PPM1E: variants seen among roughly 807,000 people sequenced by gnomAD.
PPM1E encodes protein phosphatase 1E.
PPM1E carries 20 observed loss-of-function variants against 65.9 expected under a neutral mutation model. That is an observed-to-expected ratio of 0.30 (90% CI 0.21 to 0.44). The LOEUF (loss-of-function observed/expected upper bound fraction) is 0.44. Among genes scored for constraint, PPM1E ranks in the 20% least tolerant of loss-of-function variants. The pLI, the probability that PPM1E is intolerant of heterozygous loss-of-function variation, is 1.00. For missense variants in PPM1E, 713 were observed against 953.1 expected (o/e 0.75, Z 3.32); for synonymous variants, 352 against 374.9 (o/e 0.94, Z 0.70).
intron 1 of PPM1E, among the ~76,000 whole-genome samples, chr17:58,917,099 A>G (rs988323127): frequency 3.3e-5 from 5 of 151,438 alleles, no homozygotes; most frequent in African/African-American, 1.2e-4. Context: ...AATCCCAACT[A>G]CTCGGGAGGC....
intron 6 of PPM1E, among the ~76,000 whole-genome samples, chr17:58,976,079 G>A (rs554834352): frequency 2.4e-4 from 36 of 152,160 alleles, no homozygotes; most frequent in Non-Finnish European, 4.6e-4. Context: ...ATTCAGGAAA[G>A]GGTTCCTTTT....
intron 1 of PPM1E, among the ~76,000 whole-genome samples, chr17:58,864,360 G>A (rs2143314375): frequency 1.3e-5 from 2 of 152,276 alleles, no homozygotes; most frequent in East Asian, 3.9e-4. Flanking sequence ...GCATAATCTG[G>A]TCCGGTGCGG....
chr17:58,768,103 A>C (rs1444638855), intron 1 of PPM1E, among the ~76,000 whole-genome samples: 1 of 151,610 alleles, frequency 6.6e-6, no homozygotes, highest in Non-Finnish European at 1.5e-5. Context: ...GGTGCCTGCC[A>C]CCTTGCCCAG....
At chr17:58,959,685 AT>A (rs1420860484) in intron 2 of PPM1E, among the ~76,000 whole-genome samples, 6 of 151,494 alleles carry the variant, frequency 4.0e-5, no homozygotes, top group East Asian at 3.9e-4. Flanking sequence ...AAAAAAAAAA[AT>A]CTTAAGTAAA....
chr17:58,950,377 T>C lies in PPM1E; in HGVS notation c.465-5272T>C, dbSNP rs72828739. 5.5e-3 allele frequency among the ~76,000 whole-genome samples: 830 copies of C among 152,260 alleles called. 3 individuals are homozygous for C. Among genetic ancestry groups the C allele is most frequent in the Non-Finnish European group, 8.5e-3 (580 of 68,018 alleles). ...ACTCTGTCTCAAAAAAAAAATTATT[T>C]TTTGACTATAATGTGCCTTAGAGAA... On this transcript the variant is annotated intron_variant, in intron 1 of 6. Transcript: ENST00000308249.
At chr17:58,779,810 A>G (rs1459088333) in intron 1 of PPM1E, among the ~76,000 whole-genome samples, 3 of 152,158 alleles carry the variant, frequency 2.0e-5, no homozygotes, top group African/African-American at 7.2e-5. Flanking sequence ...CTCTATGTCA[A>G]TATCTATCTT....
At chr17:58,972,103 G>A in intron 4 of PPM1E, 29 bp from the exon 5 acceptor site, 1 of 1,586,952 alleles carries the variant, frequency 6.3e-7, no homozygotes, top group Non-Finnish European at 8.6e-7. Context: ...TCTTTTCACT[G>A]AGTCTAGTTT....
chr17:58,975,467 T>A (rs2030941245), intron 6 of PPM1E, among the ~76,000 whole-genome samples: 1 of 152,140 alleles, frequency 6.6e-6, no homozygotes, highest in African/African-American at 2.4e-5. Context: ...TGATACCTCA[T>A]CTCTATTTTA....
Position 58,969,643 on chromosome 17 carries a change from G to A in PPM1E, c.888G>A (p.Glu296=), listed in dbSNP as rs775230311. The A allele has an allele frequency of 5.0e-6, 8 of 1,614,150 alleles. No individual in the cohort carries two copies. The highest frequency in any genetic ancestry group is 3.3e-4 in the Middle Eastern group (2 of 6,062). Residue 296 remains glutamate, a synonymous_variant, in exon 4 of 7, where the codon GAG becomes GAA. Coordinates refer to ENST00000308249, the MANE Select transcript of PPM1E (RefSeq NM_014906.5). ...IHLHVNLVRQ[E]MFPHDPAEAL... Reference sequence around the variant, plus strand: ...TCCACGTTAACTTAGTCCGCCAGGAGATGTTCCCCCATGATCCTGCTGAGG... The same window carrying A: ...TCCACGTTAACTTAGTCCGCCAGGAAATGTTCCCCCATGATCCTGCTGAGG...
At chr17:58,902,544 C>T (rs965126803) in intron 1 of PPM1E, among the ~76,000 whole-genome samples, 8 of 152,066 alleles carry the variant, frequency 5.3e-5, no homozygotes, top group Non-Finnish European at 1.2e-4. Context: ...TTGTCTCTGT[C>T]TGTGGATAGG....
intron 1 of PPM1E, among the ~76,000 whole-genome samples, chr17:58,796,789 C>T (rs1035162504): frequency 6.6e-6 from 1 of 151,918 alleles, no homozygotes; most frequent in Non-Finnish European, 1.5e-5. Flanking sequence ...TCATTCTATC[C>T]ATTTTGTTTT....
In PPM1E at chr17:58,756,303, G is replaced by T. The variant is rs1446787724; in HGVS notation, c.306G>T (p.Ala102=). The part of the protein sequence containing the change: ...AVEGEEEEEG[A]ATAAAAPGHS... ...AGGGTGAGGAGGAGGAGGAGGGCGC[G>T]GCGACGGCGGCGGCAGCCCCGGGGC... Residue 102 remains alanine (A), a synonymous_variant, in exon 1 of 7, where the codon GCG becomes GCT. Transcript: ENST00000308249. 1 of 1,512,164 alleles carries T rather than the reference G, an allele frequency of 6.6e-7. No homozygotes were observed. Among genetic ancestry groups the T allele is most frequent in the Non-Finnish European group, 8.8e-7 (1 of 1,130,964 alleles). 93.7% of individuals were successfully genotyped at this position (1,512,164 alleles called of 1,614,324 possible). A position where few individuals can be genotyped will look rare whatever the true frequency, so the allele number is the denominator to read the frequency against.
chr17:58,786,316 C>T (rs1453147301), intron 1 of PPM1E, among the ~76,000 whole-genome samples: 1 of 152,008 alleles, frequency 6.6e-6, no homozygotes, highest in Non-Finnish European at 1.5e-5. Flanking sequence ...GCCTGGCCAC[C>T]TTTTCACTTT....
chr17:58,973,108 T>C (rs968531971), intron 6 of PPM1E, among the ~76,000 whole-genome samples, 183 bp downstream of exon 6: 3 of 152,226 alleles, frequency 2.0e-5, no homozygotes, highest in African/African-American at 7.2e-5. Flanking sequence ...TACATTTATA[T>C]ACTTAAATTC....
At position 58,756,007 on chromosome 17, in the gene PPM1E, T is replaced by C; in HGVS notation, c.10T>C (p.Cys4Arg). 1 of 1,613,968 alleles carries C rather than the reference T, an allele frequency of 6.2e-7. No individual in the cohort carries two copies. Among genetic ancestry groups the C allele is most frequent in the Non-Finnish European group, 8.5e-7 (1 of 1,179,892 alleles). ...TGGGGCATGAGCAGCGATGGCCGGC[T>C]GCATCCCTGAGGAGAAAACTTACCG... is the stretch of plus-strand genomic sequence containing the variant. Reference protein sequence around the residue: MAGCIPEEKTYRRF... With the variant: MAGRIPEEKTYRRF... Residue 4 changes from cysteine (C) to arginine (R), a missense_variant, in exon 1 of 7, where the codon TGC becomes CGC. Cys to Arg is a radical substitution (Grantham distance 180, BLOSUM62 -3). Around this residue, in one of 6 missense-constraint regions of PPM1E, gnomAD observed 212 missense variants for 204.0 expected, o/e 1.04. Coordinates refer to ENST00000308249, the MANE Select transcript of PPM1E (RefSeq NM_014906.5).
intron 1 of PPM1E, among the ~76,000 whole-genome samples, chr17:58,946,506 G>A (rs1460816937): frequency 6.6e-6 from 1 of 152,114 alleles, no homozygotes; most frequent in Non-Finnish European, 1.5e-5. Flanking sequence ...CTCTCGGGCT[G>A]GAATATAACG....
chr17:58,822,033 G>A (rs1046393876), intron 1 of PPM1E, among the ~76,000 whole-genome samples: 2 of 152,282 alleles, frequency 1.3e-5, no homozygotes, highest in South Asian at 2.1e-4. Context: ...AGTTGTTGAT[G>A]AACACAAAGC....
chr17:58,841,243 G>T (rs2050714667), intron 1 of PPM1E, among the ~76,000 whole-genome samples: 1 of 152,124 alleles, frequency 6.6e-6, no homozygotes, highest in African/African-American at 2.4e-5. Flanking sequence ...CCTGAGGATG[G>T]GAGGTTAATT....
At chr17:58,782,509 T>G (rs2050060519) in intron 1 of PPM1E, among the ~76,000 whole-genome samples, 1 of 151,618 alleles carries the variant, frequency 6.6e-6, no homozygotes, top group African/African-American at 2.4e-5. Flanking sequence ...TCAAGTGATT[T>G]TCCTGCCTCA....
Sources: allele counts gnomAD v4.1 joint callset (sites outside exome capture counted in the v4.1 genomes callset), GRCh38; gene constraint gnomAD v4.1.1; regional missense constraint gnomAD v4.1.1; transcripts MANE v1.5; gene names NCBI Gene and HGNC (gene_info 2026-07-23, HGNC 2026-07-21).